The following RPL32 variants were observed in gnomAD, a reference collection of about 807,000 sequenced individuals.
The protein encoded by RPL32 is large ribosomal subunit protein eL32.
For missense variants in RPL32, 117 were observed against 173.7 expected (o/e 0.67, Z 1.83); for synonymous variants, 61 against 62.6 (o/e 0.98, Z 0.12).
chr3:12,840,089 G>GGCGGC, intron 2 of RPL32, 53 bp downstream of exon 2: 4 of 1,394,340 alleles, frequency 2.9e-6, no homozygotes, highest in Non-Finnish European at 4.1e-6. Flanking sequence ...GTCAGAAACT[G>GGCGGC]TTGGAAACTC....
At chr3:12,839,958 C>T (rs556378332) in intron 2 of RPL32, among the ~76,000 whole-genome samples, 184 bp downstream of exon 2, 3 of 152,308 alleles carry the variant, frequency 2.0e-5, no homozygotes, top group East Asian at 1.9e-4. Context: ...ATTAAAGTTT[C>T]GCTTCACACA....
At chr3:12,836,277 A>G in intron 3 of RPL32, 54 bp from the exon 4 acceptor site, 1 of 1,597,674 alleles carries the variant, frequency 6.3e-7, no homozygotes, top group Non-Finnish European at 8.5e-7. Context: ...ACACTTGGAA[A>G]ATTCCATTGG....
rs1043816331 is a variant in RPL32, at chr3:12,841,518, C to T, written c.-30G>A. Reference sequence around the variant, plus strand: ...CCGAGAAGGAGATGGCTGCCACCTCCGTAGGCAGCGCCGAGGAAGAGAGAA... The same window carrying T: ...CCGAGAAGGAGATGGCTGCCACCTCTGTAGGCAGCGCCGAGGAAGAGAGAA... On this transcript the variant is annotated 5_prime_UTR_variant, in exon 1 of 4. Transcript: ENST00000429711. 5.9e-5 allele frequency: 9 copies of T among 152,242 alleles called. No individual in the cohort carries two copies. Among genetic ancestry groups the T allele is most frequent in the Non-Finnish European group, 8.8e-5 (6 of 68,056 alleles). 9.4% of individuals were successfully genotyped at this position (152,242 alleles called of 1,614,324 possible). A position where few individuals can be genotyped will look rare whatever the true frequency, so the allele number is the denominator to read the frequency against.
rs2062095858 is a variant in RPL32 at position 12,835,937 on chromosome 3, C to T, written c.*157G>A. Reference sequence around the variant, plus strand: ...CAAGGACTGAGTGTCCTTTACAAATCCCCTCCAAATGGGAGATTCCAAAGG... The same window carrying T: ...CAAGGACTGAGTGTCCTTTACAAATTCCCTCCAAATGGGAGATTCCAAAGG... On this transcript the variant is annotated 3_prime_UTR_variant, in exon 4 of 4. Coordinates refer to ENST00000429711, the MANE Select transcript of RPL32 (RefSeq NM_000994.4). 2.4e-5 allele frequency: 20 copies of T among 826,760 alleles called. No homozygotes were observed. The South Asian group carries it at 3.5e-4, about 14-fold the overall frequency. The allele number at this position is 826,760 out of a possible 1,614,324, so 51.2% of individuals were successfully genotyped here.
intron 2 of RPL32, 75 bp downstream of exon 2, chr3:12,840,067 T>C (rs986169380): frequency 8.6e-7 from 1 of 1,165,772 alleles, no homozygotes; most frequent in African/African-American, 1.6e-5. Context: ...AAGATAATCC[T>C]GACTAGGTGA....
rs573400134 is a variant in RPL32, at chr3:12,836,217, G to A, written c.285C>T (p.Tyr95=). 97 of 1,599,802 alleles carry A rather than the reference G, an allele frequency of 6.1e-5. 1 individual carries two copies. The South Asian group carries it at 8.5e-4, about 14-fold the overall frequency. Residue 95 remains tyrosine, a synonymous_variant, in exon 4 of 4, where the codon TAC becomes TAT. Coordinates refer to ENST00000429711, the MANE Select transcript of RPL32 (RefSeq NM_000994.4). ...AAACATTGTGAGCGATCTCGGCACA[G>A]TAAGATCTGCAAGAGAATCAAGTAG... ...LEVLLMCNKS[Y]CAEIAHNVSS... is the part of the protein sequence containing the mutation.
At chr3:12,836,723 G>A (rs1575788346) in intron 3 of RPL32, among the ~76,000 whole-genome samples, 1 of 152,230 alleles carries the variant, frequency 6.6e-6, no homozygotes, top group Admixed American at 6.5e-5. Context: ...AAGTCACCCA[G>A]TCATAGCCAT....
chr3:12,839,718 G>T, intron 2 of RPL32, 188 bp from the exon 3 acceptor site: 1 of 644,646 alleles, frequency 1.6e-6, no homozygotes, highest in Non-Finnish European at 2.7e-6. Flanking sequence ...TAGCCACTAG[G>T]GATGAAGGCA....
chr3:12,840,191 C>G lies in RPL32; in HGVS notation c.47G>C (p.Arg16Thr). 1 of 1,614,096 alleles carries G rather than the reference C, an allele frequency of 6.2e-7. No homozygotes were observed. The highest frequency in any genetic ancestry group is 8.5e-7 in the Non-Finnish European group (1 of 1,179,948). The change falls in exon 2 of 4, where the codon AGA (arginine) becomes ACA (threonine). Residue 16 changes from arginine to threonine, a missense_variant. Transcript: ENST00000429711. ...CTGGTGCCGGATGAACTTCTTGGTT[C>G]TCTTTTTGACGATCTTGGGCTTCAC... ...PLVKPKIVKK[R>T]TKKFIRHQSD...
chr3:12,835,982 T>C lies in RPL32; in HGVS notation c.*112A>G. The C allele has an allele frequency of 7.6e-7, 1 of 1,321,464 alleles. No individual in the cohort carries two copies. Among genetic ancestry groups the C allele is most frequent in the Non-Finnish European group, 1.1e-6 (1 of 948,640 alleles). 81.9% of individuals were successfully genotyped at this position (1,321,464 alleles called of 1,614,324 possible). A position where few individuals can be genotyped will look rare whatever the true frequency, so the allele number is the denominator to read the frequency against. ...CAAAGGGGCTTAAGCAAAAGAACAA[T>C]CTCTGTGGCAAACTAAGTTGGCCAA... On this transcript the variant is annotated 3_prime_UTR_variant, in exon 4 of 4. Coordinates refer to ENST00000429711, the MANE Select transcript of RPL32 (RefSeq NM_000994.4).
intron 3 of RPL32, among the ~76,000 whole-genome samples, chr3:12,838,476 C>A (rs1485897110): frequency 6.6e-6 from 1 of 152,090 alleles, no homozygotes; most frequent in Non-Finnish European, 1.5e-5. Flanking sequence ...TTCACCTCTA[C>A]ACCTTTGTGT....
intron 2 of RPL32, 65 bp from the exon 3 acceptor site, chr3:12,839,595 G>C (rs1469275362): frequency 1.4e-6 from 2 of 1,468,582 alleles, no homozygotes; most frequent in Admixed American, 1.7e-5. Flanking sequence ...CTTTTGGGGA[G>C]GGAAAAAAAG....
At position 12,836,024 on chromosome 3, in the gene RPL32, A is replaced by T. The variant is rs1325425824; in HGVS notation, c.*70T>A. On this transcript the variant is annotated 3_prime_UTR_variant, in exon 4 of 4. Coordinates refer to ENST00000429711, the MANE Select transcript of RPL32 (RefSeq NM_000994.4). ...GTTGGCCAAGAAGCTGAAGACTTAA[A>T]ATCAAGGAAGGAAGATGCCAGATGG... The T allele has an allele frequency of 6.3e-7, 1 of 1,581,112 alleles. No homozygotes were observed. The highest frequency in any genetic ancestry group is 8.6e-7 in the Non-Finnish European group (1 of 1,161,690).
intron 1 of RPL32, chr3:12,840,680 G>A (rs1453905429): frequency 5.5e-6 from 2 of 365,984 alleles, no homozygotes; most frequent in East Asian, 7.1e-5. Context: ...TGCAGTGCCT[G>A]TCACAGGGTA....
intron 3 of RPL32, among the ~76,000 whole-genome samples, chr3:12,837,643 G>A (rs988524932): frequency 6.6e-6 from 1 of 152,196 alleles, no homozygotes. Context: ...AATCTTGGAA[G>A]GTAACCACGT....
Position 12,836,079 on chromosome 3 carries a change from G to A in RPL32, c.*15C>T, listed in dbSNP as rs769151035. The A allele has an allele frequency of 1.9e-5, 30 of 1,610,088 alleles. No homozygotes were observed. In the African/African-American group the frequency reaches 2.7e-4, roughly 14 times the overall value. ...TTTTACATTTATTTAAACAGAAAAC[G>A]TGCACATGAGCTGCCTACTCATTTT... is the stretch of plus-strand genomic sequence containing the variant. On this transcript the variant is annotated 3_prime_UTR_variant, in exon 4 of 4. Transcript: ENST00000429711.
At chr3:12,837,616 C>T (rs978452537) in intron 3 of RPL32, among the ~76,000 whole-genome samples, 1 of 152,196 alleles carries the variant, frequency 6.6e-6, no homozygotes, top group Non-Finnish European at 1.5e-5. Context: ...AGCATTTCAA[C>T]GCCTGGTTAA....
At chr3:12,836,567 C>T (rs536986266) in intron 3 of RPL32, among the ~76,000 whole-genome samples, 1 of 152,166 alleles carries the variant, frequency 6.6e-6, no homozygotes, top group African/African-American at 2.4e-5. Context: ...GGTTCTCCCC[C>T]AGTCACAGGG....
rs781215290 is a variant in RPL32 at position 12,836,259 on chromosome 3, C to T, written c.279-36G>A. 4 of 1,598,904 alleles carry T rather than the reference C, an allele frequency of 2.5e-6. 1 individual carries two copies. The South Asian group carries it at 4.4e-5, about 18-fold the overall frequency. On this transcript the variant is annotated intron_variant, in intron 3 of 3. Transcript: ENST00000429711. The stretch of plus-strand genomic sequence containing the variant: ...ATCAAGTAGGTAAGGAGCAAGACAG[C>T]CCTCAACACACTTGGAAAATTCCAT...
Sources: allele counts gnomAD v4.1 joint callset (sites outside exome capture counted in the v4.1 genomes callset), GRCh38; gene constraint gnomAD v4.1.1; transcripts MANE v1.5; gene names NCBI Gene and HGNC (gene_info 2026-07-23, HGNC 2026-07-21).